Variants in NFIB observed in about 807,000 individuals in gnomAD.
The protein encoded by NFIB is nuclear factor 1 B-type.
NFIB carries 11 observed loss-of-function variants against 61.5 expected under a neutral mutation model. That is an observed-to-expected ratio of 0.18 (90% CI 0.11 to 0.30). The LOEUF (loss-of-function observed/expected upper bound fraction) is 0.30. NFIB is among the 10% of genes least tolerant of loss of function. The pLI, the probability that NFIB is intolerant of heterozygous loss-of-function variation, is 1.00. For missense variants in NFIB, 471 were observed against 608.9 expected (o/e 0.77, Z 2.38); for synonymous variants, 260 against 216.5 (o/e 1.20, Z -1.76).
the NFIB span, among the ~76,000 whole-genome samples, chr9:14,498,988 T>TTG: frequency 6.6e-6 from 1 of 151,734 alleles, no homozygotes; most frequent in African/African-American, 2.4e-5. Flanking sequence ...TCATTGGCAA[T>TTG]TGTGTGTATG....
intron 2 of NFIB, among the ~76,000 whole-genome samples, chr9:14,297,774 A>T (rs931498335): frequency 3.9e-5 from 6 of 152,246 alleles, no homozygotes; most frequent in Non-Finnish European, 8.8e-5. Context: ...TGGATTTTAA[A>T]TATTTAATCT....
chr9:14,439,680 T>C, the NFIB span, among the ~76,000 whole-genome samples: 1 of 152,038 alleles, frequency 6.6e-6, no homozygotes, highest in African/African-American at 2.4e-5. Context: ...GCTCTGTTTA[T>C]GAGAAGTGGT....
At chr9:14,511,995 G>T in the NFIB span, among the ~76,000 whole-genome samples, 1 of 152,052 alleles carries the variant, frequency 6.6e-6, no homozygotes, top group East Asian at 1.9e-4. Context: ...TTTTATTTAG[G>T]TATAAAGAAC....
intron 2 of NFIB, among the ~76,000 whole-genome samples, chr9:14,186,613 C>A (rs906089574): frequency 6.7e-6 from 1 of 150,336 alleles, no homozygotes; most frequent in African/African-American, 2.4e-5. Context: ...GCAAACTATT[C>A]TCCTTGGGCC....
intron 2 of NFIB, among the ~76,000 whole-genome samples, chr9:14,218,594 A>G (rs2051233944): frequency 6.6e-6 from 1 of 152,140 alleles, no homozygotes; most frequent in Admixed American, 6.6e-5. Context: ...GAACAAATGA[A>G]TTTTCTTCAG....
chr9:14,322,041 CAG>C, intron 1 of NFIB: 1 of 1,198,610 alleles, frequency 8.3e-7, no homozygotes, highest in Non-Finnish European at 1.0e-6. Flanking sequence ...TGGATTTTCT[CAG>C]GGGTTGTTTT....
At chr9:14,264,182 CAA>C (rs58028341) in intron 2 of NFIB, among the ~76,000 whole-genome samples, 3 of 137,154 alleles carry the variant, frequency 2.2e-5, no homozygotes, top group Admixed American at 1.5e-4. Flanking sequence ...TAAAATTGAC[CAA>C]AAAAAAAAAG....
intron 5 of NFIB, among the ~76,000 whole-genome samples, chr9:14,149,519 G>GA (rs1029774711): frequency 2.1e-4 from 31 of 147,734 alleles, no homozygotes; most frequent in South Asian, 1.3e-3. Flanking sequence ...AGAAGATCAG[G>GA]AAAAAAAAAA....
intron 4 of NFIB, 108 bp from the exon 5 acceptor site, chr9:14,150,373 C>A (rs1047682660): frequency 6.5e-7 from 1 of 1,546,026 alleles, no homozygotes; most frequent in Non-Finnish European, 8.7e-7. Flanking sequence ...ATAGAGAGAA[C>A]TTTCTTCACC....
intron 2 of NFIB, among the ~76,000 whole-genome samples, chr9:14,238,375 GAC>G (rs1271117796): frequency 3.3e-5 from 5 of 152,150 alleles, no homozygotes; most frequent in African/African-American, 1.2e-4. Flanking sequence ...ACTCAAGAGA[GAC>G]AGTCTTGTGA....
At chr9:14,220,842 TACACACACACACACACACAC>T (rs138623129) in intron 2 of NFIB, among the ~76,000 whole-genome samples, 2 of 123,020 alleles carry the variant, frequency 1.6e-5, no homozygotes, top group African/African-American at 6.2e-5. Context: ...TCAATCTCCC[TACACACACACACACACACAC>T]ACACACACAC....
chr9:14,135,929 CT>C (rs1207423322), intron 6 of NFIB, among the ~76,000 whole-genome samples: 1 of 152,074 alleles, frequency 6.6e-6, no homozygotes, highest in Non-Finnish European at 1.5e-5. Flanking sequence ...AAAGTAAAAT[CT>C]TTTCTAATAG....
At chr9:14,391,942 C>T (rs776319300) in intron 1 of NFIB, among the ~76,000 whole-genome samples, 3 of 152,114 alleles carry the variant, frequency 2.0e-5, no homozygotes, top group Non-Finnish European at 4.4e-5. Context: ...TACTTCTGGC[C>T]GTCAGCTGAA....
intron 2 of NFIB, among the ~76,000 whole-genome samples, chr9:14,258,648 T>G (rs1335233017): frequency 6.6e-6 from 1 of 152,256 alleles, no homozygotes; most frequent in Non-Finnish European, 1.5e-5. Flanking sequence ...ACTATGCAAC[T>G]ACTCTGAGAA....
chr9:14,236,276 G>A (rs10961442), intron 2 of NFIB, among the ~76,000 whole-genome samples: 14,401 of 152,242 alleles, frequency 0.095, 861 homozygotes, highest in South Asian at 0.16. Flanking sequence ...CCACAAAATA[G>A]AAGCTTCTAA....
the NFIB span, among the ~76,000 whole-genome samples, chr9:14,429,645 A>T: frequency 6.6e-6 from 1 of 152,214 alleles, no homozygotes; most frequent in Non-Finnish European, 1.5e-5. Context: ...AAATTGCAGC[A>T]GCTGTTGGTG....
At chr9:14,426,080 G>A in the NFIB span, among the ~76,000 whole-genome samples, 1 of 152,110 alleles carries the variant, frequency 6.6e-6, no homozygotes, top group Non-Finnish European at 1.5e-5. Flanking sequence ...TGGAGATGGA[G>A]GTAGCTGGCA....
At chr9:14,469,772 C>T in the NFIB span, among the ~76,000 whole-genome samples, 82 of 152,292 alleles carry the variant, frequency 5.4e-4, 2 homozygotes, top group African/African-American at 1.9e-3. Flanking sequence ...TAATGGCTGT[C>T]CATCATGGTT....
intron 9 of NFIB, among the ~76,000 whole-genome samples, chr9:14,113,435 T>A (rs1331930047): frequency 2.0e-5 from 3 of 152,192 alleles, no homozygotes; most frequent in Admixed American, 6.5e-5. Context: ...AGTAGTTGTC[T>A]AATATAAAAT....
Sources: gnomAD v4.1 joint callset for allele counts (sites outside exome capture counted in the v4.1 genomes callset) on GRCh38, gnomAD v4.1.1 for gene constraint, MANE v1.5 for transcripts, NCBI Gene and HGNC (gene_info 2026-07-23, HGNC 2026-07-21) for gene names.